The following GRIK4 variants were observed in gnomAD, a reference collection of about 807,000 sequenced individuals.
The protein encoded by GRIK4 is glutamate receptor ionotropic, kainate 4.
Under a neutral mutation model 104.9 loss-of-function variants are expected in GRIK4, and 40 were observed. The observed-to-expected ratio is 0.38, with a 90% CI of 0.30 to 0.50. GRIK4 has a LOEUF of 0.50. Among genes scored for constraint, GRIK4 ranks in the 20% least tolerant of loss-of-function variants. GRIK4 has a pLI of 0.93. For synonymous variants in GRIK4, 485 were observed against 524.9 expected (o/e 0.92, Z 1.04); for missense variants, 1,047 against 1,308.1 (o/e 0.80, Z 3.08).
intron 9 of GRIK4, among the ~76,000 whole-genome samples, chr11:120,863,405 A>G (rs1954313176): frequency 6.6e-6 from 1 of 152,216 alleles, no homozygotes. Flanking sequence ...AGGCTATAGC[A>G]TCTATATTTG....
chr11:120,635,911 T>C (rs570455944), intron 1 of GRIK4, among the ~76,000 whole-genome samples: 49 of 152,226 alleles, frequency 3.2e-4, no homozygotes, highest in Non-Finnish European at 5.3e-4. Context: ...CAGTTACTAG[T>C]TGCTCCTCTC....
chr11:120,556,736 G>A (rs1231983791), intron 1 of GRIK4, among the ~76,000 whole-genome samples: 1 of 152,140 alleles, frequency 6.6e-6, no homozygotes, highest in Non-Finnish European at 1.5e-5. Flanking sequence ...ATACACAAGA[G>A]GAACACGTTT....
chr11:120,772,120 G>A (rs1022865866), intron 3 of GRIK4, among the ~76,000 whole-genome samples: 1 of 152,224 alleles, frequency 6.6e-6, no homozygotes, highest in African/African-American at 2.4e-5. Context: ...CTGCCCCAGT[G>A]TGTCTAGAAG....
Position 120,952,788 on chromosome 11 carries a change from C to G in GRIK4, c.1591-67C>G. The G allele has an allele frequency of 9.2e-7, 1 of 1,085,392 alleles. No homozygotes were observed. Among genetic ancestry groups the G allele is most frequent in the Non-Finnish European group, 1.4e-6 (1 of 697,620 alleles). 67.2% of individuals were successfully genotyped at this position (1,085,392 alleles called of 1,614,324 possible). A position where few individuals can be genotyped will look rare whatever the true frequency, so the allele number is the denominator to read the frequency against. ...ACACTCACTACCTCCTCTACCCCGC[C>G]CTGCCTGCCCCAAGGTCATGTTGAC... is the stretch of plus-strand genomic sequence containing the variant. On this transcript the variant is annotated intron_variant, in intron 14 of 20. Coordinates refer to ENST00000527524, the MANE Select transcript of GRIK4 (RefSeq NM_014619.5). This position sits in a 1 kb window ranked among gnomAD's most constrained non-coding sequence, Gnocchi z 5.2.
chr11:120,917,674 T>C (rs375170887), intron 13 of GRIK4, among the ~76,000 whole-genome samples: 6 of 152,334 alleles, frequency 3.9e-5, no homozygotes, highest in African/African-American at 1.4e-4. Context: ...CTCAGATCCC[T>C]GTGCTGGTTA....
intron 4 of GRIK4, among the ~76,000 whole-genome samples, chr11:120,803,128 T>C (rs953294414): frequency 6.6e-6 from 1 of 152,234 alleles, no homozygotes; most frequent in African/African-American, 2.4e-5. Flanking sequence ...TATTGATTCA[T>C]TCATGTTCTG....
intron 18 of GRIK4, among the ~76,000 whole-genome samples, chr11:120,966,506 G>T (rs376510255): frequency 2.0e-4 from 31 of 152,212 alleles, no homozygotes; most frequent in African/African-American, 6.7e-4. Context: ...TGAGCAGCTG[G>T]GGCTACAGGT....
At chr11:120,799,887 G>T (rs1490245659) in intron 3 of GRIK4, among the ~76,000 whole-genome samples, 1 of 151,998 alleles carries the variant, frequency 6.6e-6, no homozygotes, top group Admixed American at 6.5e-5. Context: ...TGCTCTTGTT[G>T]CCCAGGCTGG....
intron 1 of GRIK4, among the ~76,000 whole-genome samples, chr11:120,578,809 C>T (rs566578737): frequency 1.3e-5 from 2 of 152,310 alleles, no homozygotes; most frequent in South Asian, 4.1e-4. Flanking sequence ...GCTATGTCGT[C>T]CCGCTTCCTC....
At chr11:120,617,669 G>A (rs939173000) in intron 1 of GRIK4, among the ~76,000 whole-genome samples, 1 of 152,188 alleles carries the variant, frequency 6.6e-6, no homozygotes, top group Non-Finnish European at 1.5e-5. Context: ...ATGAGTTCTT[G>A]TGAGATCTGG....
chr11:120,771,621 G>A (rs947082387), intron 3 of GRIK4, among the ~76,000 whole-genome samples: 8 of 152,224 alleles, frequency 5.3e-5, no homozygotes, highest in South Asian at 2.1e-4. Context: ...AGAACACTAA[G>A]GGTGTAAACA....
chr11:120,864,456 T>C (rs4635089), intron 9 of GRIK4, among the ~76,000 whole-genome samples: 1 of 151,864 alleles, frequency 6.6e-6, no homozygotes, highest in Non-Finnish European at 1.5e-5. Flanking sequence ...TAGCCAGGAG[T>C]GTCTCGATCT....
chr11:120,612,029 G>A (rs1453319545), intron 1 of GRIK4, among the ~76,000 whole-genome samples: 1 of 152,174 alleles, frequency 6.6e-6, no homozygotes, highest in African/African-American at 2.4e-5. Context: ...CTTAGGTCCT[G>A]CTGCTTCCAC....
chr11:120,593,549 C>T (rs1948762481), intron 1 of GRIK4, among the ~76,000 whole-genome samples: 1 of 152,074 alleles, frequency 6.6e-6, no homozygotes, highest in Admixed American at 6.5e-5. Context: ...GTTGACTCCC[C>T]CTTTACTCCT....
At chr11:120,812,511 G>T (rs1952850191) in intron 4 of GRIK4, among the ~76,000 whole-genome samples, 1 of 152,108 alleles carries the variant, frequency 6.6e-6, no homozygotes, top group African/African-American at 2.4e-5. Flanking sequence ...ATAATAAAAG[G>T]GTCATGTAGC....
intron 17 of GRIK4, among the ~76,000 whole-genome samples, chr11:120,962,221 T>G (rs1944299848): frequency 6.6e-6 from 1 of 152,188 alleles, no homozygotes; most frequent in African/African-American, 2.4e-5. Flanking sequence ...AGTGCGCTGT[T>G]GCTTCCTCAT....
At chr11:120,603,871 A>G (rs571325686) in intron 1 of GRIK4, among the ~76,000 whole-genome samples, 41 of 152,206 alleles carry the variant, frequency 2.7e-4, no homozygotes, top group African/African-American at 9.9e-4. Flanking sequence ...CCCTGCCACA[A>G]AGAATGATCT....
chr11:120,831,607 G>T (rs112530150), intron 6 of GRIK4, among the ~76,000 whole-genome samples: 3 of 152,162 alleles, frequency 2.0e-5, no homozygotes, highest in Non-Finnish European at 4.4e-5. Flanking sequence ...TTAAAAGAAC[G>T]TTCTCGAGGG....
chr11:120,757,287 C>T (rs893962560), intron 3 of GRIK4, among the ~76,000 whole-genome samples: 16 of 152,226 alleles, frequency 1.1e-4, no homozygotes, highest in African/African-American at 2.9e-4. Flanking sequence ...CTTGGGGCGT[C>T]CAGAAGGTGG....
Sources: gnomAD v4.1 joint callset for allele counts (sites outside exome capture counted in the v4.1 genomes callset) on GRCh38, gnomAD v4.1.1 for gene constraint, Gnocchi (gnomAD v3.1) non-coding constraint, MANE v1.5 for transcripts, NCBI Gene and HGNC (gene_info 2026-07-23, HGNC 2026-07-21) for gene names.